Variants in EFNA5 observed in about 807,000 individuals in gnomAD.
EFNA5 encodes ephrin-A5.
EFNA5 carries 5 observed loss-of-function variants against 22.9 expected under a neutral mutation model. The observed-to-expected ratio is 0.22, with a 90% CI of 0.11 to 0.46. The LOEUF is 0.46. Among genes scored for constraint, EFNA5 ranks in the 20% least tolerant of loss-of-function variants. The probability of loss-of-function intolerance (pLI) is 0.99; values close to 1 mark genes in which losing one functional copy is unlikely to be tolerated. For missense variants in EFNA5, 237 were observed against 293.3 expected (o/e 0.81, Z 1.40); for synonymous variants, 113 against 112.2 (o/e 1.01, Z -0.04).
At chr5:107,606,297 C>T (rs996963312) in intron 1 of EFNA5, among the ~76,000 whole-genome samples, 2 of 152,054 alleles carry the variant, frequency 1.3e-5, no homozygotes, top group Non-Finnish European at 2.9e-5. Flanking sequence ...TTTGCCTACA[C>T]ATAAGGCTTT....
chr5:107,484,580 C>T (rs1746535561), intron 1 of EFNA5, among the ~76,000 whole-genome samples: 1 of 152,130 alleles, frequency 6.6e-6, no homozygotes, highest in African/African-American at 2.4e-5. Context: ...ATGAGACAAA[C>T]TGTATAATTG....
At chr5:107,582,066 T>C (rs1749084528) in intron 1 of EFNA5, among the ~76,000 whole-genome samples, 1 of 152,164 alleles carries the variant, frequency 6.6e-6, no homozygotes, top group South Asian at 2.1e-4. Flanking sequence ...AGTACACAGG[T>C]ATCAATCAGT....
Position 107,670,721 on chromosome 5 carries a change from A to T in EFNA5, c.-108T>A, listed in dbSNP as rs1309042629. 3.5e-6 allele frequency: 5 copies of T among 1,438,068 alleles called. No homozygotes were observed. Among genetic ancestry groups the T allele is most frequent in the Non-Finnish European group, 4.7e-6 (5 of 1,073,966 alleles). The allele number at this position is 1,438,068 out of a possible 1,614,324, so 89.1% of individuals were successfully genotyped here. A position where few individuals can be genotyped will look rare whatever the true frequency, so the allele number is the denominator to read the frequency against. ...ACAGAGAGAGAGCGGGCGCCAAATA[A>T]ATATGAATAAATAAAAATGAAAGTG... On this transcript the variant is annotated 5_prime_UTR_variant, in exon 1 of 5. Transcript: ENST00000333274.
intron 1 of EFNA5, among the ~76,000 whole-genome samples, chr5:107,550,742 G>A (rs1435262782): frequency 3.3e-5 from 5 of 152,044 alleles, no homozygotes; most frequent in East Asian, 3.9e-4. Context: ...CTGAAGTCTC[G>A]TCAAATGCCA....
In EFNA5 at chr5:107,377,416, G is replaced by C. The variant is rs1229419068; in HGVS notation, c.*3839C>G. On this transcript the variant is annotated 3_prime_UTR_variant, in exon 5 of 5. Transcript: ENST00000333274. Reference sequence around the variant, plus strand: ...AAAAATAAACATACTAAGTAAAAGGGGGGTGGTGTAGGCAAACGGGGGTGT... The same window carrying C: ...AAAAATAAACATACTAAGTAAAAGGCGGGTGGTGTAGGCAAACGGGGGTGT... 2.0e-5 allele frequency: 3 copies of C among 152,058 alleles called. 1 individual carries two copies. In the South Asian group the frequency reaches 6.2e-4, roughly 32 times the overall value. The allele number at this position is 152,058 out of a possible 1,614,324, so 9.4% of individuals were successfully genotyped here.
chr5:107,427,629 T>A, intron 1 of EFNA5, 120 bp from the exon 2 acceptor site: 1 of 850,726 alleles, frequency 1.2e-6, no homozygotes, highest in Non-Finnish European at 1.7e-6. Flanking sequence ...AAGTTCTTAC[T>A]GAATGCCATT....
intron 1 of EFNA5, among the ~76,000 whole-genome samples, chr5:107,656,980 T>C (rs1296135241): frequency 1.3e-5 from 2 of 152,084 alleles, no homozygotes; most frequent in Non-Finnish European, 2.9e-5. Flanking sequence ...TCTGTAATAG[T>C]TGCTACTGTA....
intron 1 of EFNA5, among the ~76,000 whole-genome samples, chr5:107,448,657 C>T (rs1403999411): frequency 6.6e-6 from 1 of 151,670 alleles, no homozygotes; most frequent in African/African-American, 2.4e-5. Flanking sequence ...GATGAAACCC[C>T]ATCTCTACTA....
In EFNA5 at chr5:107,381,386, T is replaced by C. The variant is rs1313599466; in HGVS notation, c.566-10A>G. On this transcript the variant is annotated splice_polypyrimidine_tract_variant and intron_variant, in intron 4 of 4. Coordinates refer to ENST00000333274, the MANE Select transcript of EFNA5 (RefSeq NM_001962.3). ...TCATGTACGGTGTCATCTGTTCAAA[T>C]AGAAAGCACACATTCCAATGAGATT... 1.6e-5 allele frequency: 25 copies of C among 1,602,348 alleles called. No homozygotes were observed. The highest frequency in any genetic ancestry group is 2.0e-5 in the Non-Finnish European group (23 of 1,170,808).
chr5:107,612,742 T>C (rs1749841463), intron 1 of EFNA5, among the ~76,000 whole-genome samples: 1 of 152,130 alleles, frequency 6.6e-6, no homozygotes, highest in Non-Finnish European at 1.5e-5. Context: ...GATATTCCCG[T>C]CAGTCACTGT....
At chr5:107,620,841 C>A (rs1454556910) in intron 1 of EFNA5, among the ~76,000 whole-genome samples, 1 of 152,036 alleles carries the variant, frequency 6.6e-6, no homozygotes, top group African/African-American at 2.4e-5. Context: ...ATGTGCAAAA[C>A]TTTAGGTGCA....
chr5:107,655,749 C>T (rs1271940886), intron 1 of EFNA5, among the ~76,000 whole-genome samples: 1 of 152,044 alleles, frequency 6.6e-6, no homozygotes, highest in African/African-American at 2.4e-5. Context: ...TTTGAATAAC[C>T]ACCTGACAAT....
intron 1 of EFNA5, among the ~76,000 whole-genome samples, chr5:107,591,578 T>C (rs989238224): frequency 2.0e-5 from 3 of 151,490 alleles, no homozygotes; most frequent in Non-Finnish European, 4.4e-5. Context: ...TCCCAGCACT[T>C]TGGAATCCCA....
At chr5:107,432,311 A>G (rs1224665935) in intron 1 of EFNA5, among the ~76,000 whole-genome samples, 1 of 152,238 alleles carries the variant, frequency 6.6e-6, no homozygotes, top group East Asian at 1.9e-4. Context: ...CTCATATTAA[A>G]AGAGGAAACT....
chr5:107,609,562 A>T (rs972004996), intron 1 of EFNA5, among the ~76,000 whole-genome samples: 1 of 152,164 alleles, frequency 6.6e-6, no homozygotes, highest in Non-Finnish European at 1.5e-5. Flanking sequence ...TCCATGCAAA[A>T]ACAGGGAAGA....
intron 2 of EFNA5, among the ~76,000 whole-genome samples, chr5:107,418,104 G>A (rs1748553697): frequency 6.6e-6 from 1 of 152,136 alleles, no homozygotes; most frequent in African/African-American, 2.4e-5. Flanking sequence ...GCATGCTTGT[G>A]TAATTTACAA....
chr5:107,381,134 C>G lies in EFNA5; in HGVS notation c.*121G>C. The G allele has an allele frequency of 1.4e-6, 2 of 1,388,584 alleles. No individual in the cohort carries two copies. The highest frequency in any genetic ancestry group is 1.9e-6 in the Non-Finnish European group (2 of 1,041,014). The allele number at this position is 1,388,584 out of a possible 1,614,324, so 86.0% of individuals were successfully genotyped here. A position where few individuals can be genotyped will look rare whatever the true frequency, so the allele number is the denominator to read the frequency against. Reference sequence around the variant, plus strand: ...AGAATTCAGGCTGAAAGAAAGAAAACAAAAATCTGACATCTGCCAAAACCC... The same window carrying G: ...AGAATTCAGGCTGAAAGAAAGAAAAGAAAAATCTGACATCTGCCAAAACCC... On this transcript the variant is annotated 3_prime_UTR_variant, in exon 5 of 5. Transcript: ENST00000333274.
At chr5:107,422,634 C>T (rs929477052) in intron 2 of EFNA5, among the ~76,000 whole-genome samples, 3 of 152,200 alleles carry the variant, frequency 2.0e-5, no homozygotes, top group African/African-American at 4.8e-5. Context: ...GGAGGGCTGG[C>T]AGCTGAGTAG....
chr5:107,563,180 C>CA (rs1211423729), intron 1 of EFNA5, among the ~76,000 whole-genome samples: 1 of 152,126 alleles, frequency 6.6e-6, no homozygotes, highest in African/African-American at 2.4e-5. Context: ...CTTTAAGGAC[C>CA]AAACCTTTAA....
Sources: allele counts gnomAD v4.1 joint callset (sites outside exome capture counted in the v4.1 genomes callset), GRCh38; gene constraint gnomAD v4.1.1; transcripts MANE v1.5; gene names NCBI Gene and HGNC (gene_info 2026-07-23, HGNC 2026-07-21).